TMCO5A: variants seen among roughly 807,000 people sequenced by gnomAD.
TMCO5A encodes transmembrane and coiled-coil domain-containing protein 5A.
A neutral mutation model predicts 42.3 loss-of-function variants in TMCO5A; 34 were observed. The observed-to-expected ratio is 0.80, with a 90% CI of 0.61 to 1.07. The LOEUF (loss-of-function observed/expected upper bound fraction) is 1.07. Among genes scored for constraint, TMCO5A ranks in the 50% least tolerant of loss-of-function variants. TMCO5A has a pLI of 0.00. For synonymous variants in TMCO5A, 131 were observed against 115.6 expected, an observed-to-expected ratio of 1.13 and a Z score of -0.86; for missense variants, 357 against 327.9, an observed-to-expected ratio of 1.09 and a Z score of -0.69.
chr15:37,966,559 C>T, intron 11 of TMCO5A: 1 of 702,622 alleles, frequency 1.4e-6, no homozygotes, highest in South Asian at 1.5e-5. Context: ...GGGCTTTAGG[C>T]AAGGCTACAG....
downstream of TMCO5A, among the ~76,000 whole-genome samples, chr15:37,968,925 A>G (rs1004377996): frequency 1.1e-4 from 16 of 152,186 alleles, no homozygotes; most frequent in African/African-American, 3.9e-4. Flanking sequence ...TGATAAGTTC[A>G]TATTGCTCAT....
At chr15:38,006,798 TA>T in the TMCO5A span, among the ~76,000 whole-genome samples, 1 of 151,910 alleles carries the variant, frequency 6.6e-6, no homozygotes, top group African/African-American at 2.4e-5. Context: ...AACTTTTTTG[TA>T]AAAAATCACC....
chr15:37,995,854 AAC>A, the TMCO5A span, among the ~76,000 whole-genome samples: 1 of 150,828 alleles, frequency 6.6e-6, no homozygotes, highest in African/African-American at 2.4e-5. Context: ...CCAAAAAAAA[AAC>A]AAACAAACAA....
chr15:37,951,342 C>A lies in TMCO5A; in HGVS notation c.*108C>A. 9.2e-7 allele frequency: 1 copy of A among 1,089,080 alleles called. No individual in the cohort carries two copies. The highest frequency in any genetic ancestry group is 1.3e-6 in the Non-Finnish European group (1 of 749,202). 67.5% of individuals were successfully genotyped at this position (1,089,080 alleles called of 1,614,324 possible). A position where few individuals can be genotyped will look rare whatever the true frequency, so the allele number is the denominator to read the frequency against. ...GAGATTTGCTTCAGTTTTTTCCTCA[C>A]CGTTTGCCTGCTTGACTACCTTCTG... On this transcript the variant is annotated 3_prime_UTR_variant, in exon 12 of 12. Transcript: ENST00000319669.
chr15:37,958,383 C>A lies in TMCO5A; in HGVS notation c.669-8242C>A, dbSNP rs557044927. ...ATCCAGAATCTACAAAGAACTTAAA[C>A]AATTTACAAGAAAAACAAACAAACA... On this transcript the variant is annotated intron_variant, in intron 11 of 11. Transcript: ENST00000559502. 1.3e-4 allele frequency among the ~76,000 whole-genome samples: 19 copies of A among 151,806 alleles called. No individual in the cohort carries two copies. In the South Asian group the frequency reaches 3.5e-3, roughly 28 times the overall value.
At chr15:37,938,752 AT>A (rs1352082045) in intron 6 of TMCO5A, among the ~76,000 whole-genome samples, 1 of 152,064 alleles carries the variant, frequency 6.6e-6, no homozygotes, top group African/African-American at 2.4e-5. Flanking sequence ...CCTGTCCTGG[AT>A]TCCAATCTAG....
At chr15:37,947,077 T>C (rs1010981642) in intron 10 of TMCO5A, among the ~76,000 whole-genome samples, 1 of 152,178 alleles carries the variant, frequency 6.6e-6, no homozygotes, top group Non-Finnish European at 1.5e-5. Flanking sequence ...TGTTGAATTT[T>C]ATCAGAGGCC....
chr15:38,029,006 G>A, the TMCO5A span, among the ~76,000 whole-genome samples: 8 of 152,182 alleles, frequency 5.3e-5, no homozygotes, highest in African/African-American at 1.9e-4. Context: ...ACCTAAAGGT[G>A]GAGCTTGGGA....
the TMCO5A span, among the ~76,000 whole-genome samples, chr15:37,993,236 T>C: frequency 6.6e-6 from 1 of 152,262 alleles, no homozygotes; most frequent in East Asian, 1.9e-4. Flanking sequence ...GTTTCTGTTT[T>C]TTTTTAAATG....
the TMCO5A span, among the ~76,000 whole-genome samples, chr15:37,973,723 T>C: frequency 6.6e-6 from 1 of 152,220 alleles, no homozygotes; most frequent in East Asian, 1.9e-4. Flanking sequence ...AGGAGATAGT[T>C]TGACTTCCTC....
chr15:37,956,283 T>G (rs1484382831), downstream of TMCO5A, among the ~76,000 whole-genome samples: 1 of 152,016 alleles, frequency 6.6e-6, no homozygotes, highest in Non-Finnish European at 1.5e-5. Context: ...CAAAAAACCC[T>G]TCAAAAAATC....
At chr15:38,010,293 G>A in the TMCO5A span, among the ~76,000 whole-genome samples, 3 of 148,304 alleles carry the variant, frequency 2.0e-5, no homozygotes, top group African/African-American at 5.0e-5. Flanking sequence ...GGAGAATGGC[G>A]TGAATCTGGG....
At chr15:37,981,200 C>CAAAAAAAAAAAAAAAAAAAAAAAAAAAA in the TMCO5A span, among the ~76,000 whole-genome samples, 1 of 65,346 alleles carries the variant, frequency 1.5e-5, no homozygotes, top group African/African-American at 5.6e-5. Flanking sequence ...AGAAAGCCAG[C>CAAAAAAAAAAAAAAAAAAAAAAAAAAAA]AAAAAAAAAA....
chr15:38,020,584 G>C, the TMCO5A span: 1 of 152,124 alleles, frequency 6.6e-6, no homozygotes, highest in African/African-American at 2.4e-5. Context: ...ACCTGGACTT[G>C]CAAAAGATAG....
chr15:37,960,183 C>G (rs781600301), intron 11 of TMCO5A, among the ~76,000 whole-genome samples: 1 of 151,760 alleles, frequency 6.6e-6, no homozygotes, highest in Admixed American at 6.6e-5. Context: ...TCCCTCACCC[C>G]CTACCACTCT....
At chr15:38,036,106 C>T in the TMCO5A span, among the ~76,000 whole-genome samples, 1 of 152,174 alleles carries the variant, frequency 6.6e-6, no homozygotes, top group Non-Finnish European at 1.5e-5. Flanking sequence ...GACAATTCTA[C>T]CTTGGAAATG....
chr15:37,950,983 G>C, intron 11 of TMCO5A, 53 bp from the exon 12 acceptor site: 2 of 1,515,774 alleles, frequency 1.3e-6, no homozygotes, highest in Non-Finnish European at 1.8e-6. Flanking sequence ...TTTATTTTTT[G>C]TTCCAAGTTT....
Position 37,936,301 on chromosome 15 carries a change from G to A in TMCO5A, c.-10-13G>A. ...TAACTGGCCCTTGTTCATTTTGGGGGCTGAGTCTATAGGTCGGAGAAAATG... is the reference window on the plus strand; with the variant it reads ...TAACTGGCCCTTGTTCATTTTGGGGACTGAGTCTATAGGTCGGAGAAAATG... On this transcript the variant is annotated splice_polypyrimidine_tract_variant and intron_variant, in intron 2 of 11. Transcript: ENST00000319669. The A allele has an allele frequency of 6.3e-7, 1 of 1,596,520 alleles. No individual in the cohort carries two copies. Among genetic ancestry groups the A allele is most frequent in the Non-Finnish European group, 8.5e-7 (1 of 1,173,956 alleles).
intron 8 of TMCO5A, 72 bp from the exon 9 acceptor site, chr15:37,942,119 G>A: frequency 1.4e-6 from 2 of 1,393,218 alleles, no homozygotes; most frequent in South Asian, 1.2e-5. Context: ...GTAATAACAA[G>A]TGCTTATTAT....
Sources: gnomAD v4.1 joint callset for allele counts (sites outside exome capture counted in the v4.1 genomes callset) on GRCh38, gnomAD v4.1.1 for gene constraint, MANE v1.5 for transcripts, NCBI Gene and HGNC (gene_info 2026-07-23, HGNC 2026-07-21) for gene names.